The following STPG2 variants were observed in gnomAD, a reference collection of about 807,000 sequenced individuals.
STPG2 encodes sperm-tail PG-rich repeat-containing protein 2.
Under a neutral mutation model 54.2 loss-of-function variants are expected in STPG2, and 56 were observed. The observed-to-expected ratio is 1.03, with a 90% CI of 0.83 to 1.29. The LOEUF is 1.29. Among genes scored for constraint, STPG2 ranks in the 50% most tolerant of loss-of-function variants. The pLI is 0.00. For synonymous variants in STPG2, 200 were observed against 181.8 expected, an observed-to-expected ratio of 1.10 and a Z score of -0.81; for missense variants, 596 against 544.9, an observed-to-expected ratio of 1.09 and a Z score of -0.93.
chr4:98,124,340 C>T (rs1440528430), intron 3 of STPG2, among the ~76,000 whole-genome samples: 1 of 152,106 alleles, frequency 6.6e-6, no homozygotes, highest in African/African-American at 2.4e-5. Flanking sequence ...ATATGTAGTG[C>T]TTCCTTCAGG....
intron 5 of STPG2, among the ~76,000 whole-genome samples, chr4:98,022,444 C>T (rs1736247013): frequency 6.6e-6 from 1 of 152,088 alleles, no homozygotes; most frequent in South Asian, 2.1e-4. Flanking sequence ...TCTGGCTGCC[C>T]CTAACATTTT....
At chr4:97,482,304 C>CA (rs1219270015) in intron 4 of STPG2, among the ~76,000 whole-genome samples, 2 of 150,574 alleles carry the variant, frequency 1.3e-5, no homozygotes, top group Admixed American at 6.6e-5. Flanking sequence ...TAATTAATAG[C>CA]AAAAAATGAT....
intron 5 of STPG2, among the ~76,000 whole-genome samples, chr4:97,987,324 C>T (rs570011511): frequency 4.1e-4 from 63 of 152,210 alleles, no homozygotes; most frequent in Non-Finnish European, 7.2e-4. Flanking sequence ...TCTAGTTCTT[C>T]CATTTAAAAG....
chr4:97,871,394 GCTAAT>G (rs1224081730), intron 8 of STPG2, among the ~76,000 whole-genome samples: 1 of 150,374 alleles, frequency 6.7e-6, no homozygotes, highest in East Asian at 1.9e-4. Context: ...CACACCAGTA[GCTAAT>G]CTAATTTTTT....
At position 97,624,409 on chromosome 4, in the gene STPG2, G is replaced by A. The variant is rs182441466; in HGVS notation, c.1321-65292C>T. Among the ~76,000 whole-genome samples the A allele has an allele frequency of 1.8e-3, 273 of 152,106 alleles. 2 individuals carry two copies. Among genetic ancestry groups the A allele is most frequent in the Non-Finnish European group, 2.5e-3 (172 of 67,970 alleles). The stretch of plus-strand genomic sequence containing the variant: ...GATTTTTTTCATATGTGTGTTGGCC[G>A]CATAAATGTCTTCTTTTGAGAAGTA... On this transcript the variant is annotated intron_variant, in intron 10 of 10. Transcript: ENST00000295268.
chr4:98,013,312 G>A (rs895387653), intron 5 of STPG2, among the ~76,000 whole-genome samples: 3 of 152,004 alleles, frequency 2.0e-5, no homozygotes, highest in Non-Finnish European at 2.9e-5. Context: ...TACTTGTGGT[G>A]GATAAGCTTT....
At chr4:98,061,606 GA>G (rs201764593) in intron 5 of STPG2, among the ~76,000 whole-genome samples, 2 of 121,014 alleles carry the variant, frequency 1.7e-5, no homozygotes, top group African/African-American at 3.2e-5. Context: ...AAATTTACAA[GA>G]AAAAAAAAAT....
At chr4:97,625,993 T>C (rs1734128226) in intron 10 of STPG2, among the ~76,000 whole-genome samples, 2 of 152,212 alleles carry the variant, frequency 1.3e-5, no homozygotes, top group Non-Finnish European at 1.5e-5. Flanking sequence ...TAAAGTTGGA[T>C]GGCAAATTAT....
At chr4:98,128,785 A>G (rs1739903234) in intron 2 of STPG2, among the ~76,000 whole-genome samples, 193 bp from the exon 3 acceptor site, 1 of 152,120 alleles carries the variant, frequency 6.6e-6, no homozygotes, top group Non-Finnish European at 1.5e-5. Context: ...GCTGGAGTGC[A>G]GTGGTACAAT....
intron 8 of STPG2, among the ~76,000 whole-genome samples, chr4:97,941,246 T>G (rs1732970894): frequency 6.6e-6 from 1 of 152,102 alleles, no homozygotes; most frequent in Non-Finnish European, 1.5e-5. Flanking sequence ...CAAGGATATT[T>G]GCTTTAGTTA....
chr4:97,942,046 C>T (rs1467091110), intron 8 of STPG2, among the ~76,000 whole-genome samples: 2 of 151,686 alleles, frequency 1.3e-5, no homozygotes, highest in Non-Finnish European at 2.9e-5. Context: ...GGTGAAGCAA[C>T]TTGTCTTCCT....
At chr4:97,525,928 T>C (rs1731271512) in intron 4 of STPG2, among the ~76,000 whole-genome samples, 2 of 152,068 alleles carry the variant, frequency 1.3e-5, no homozygotes, top group Non-Finnish European at 2.9e-5. Context: ...ATTCACTGTT[T>C]AAAAATGTTC....
intron 9 of STPG2, among the ~76,000 whole-genome samples, chr4:97,763,423 G>T (rs945334894): frequency 4.6e-5 from 7 of 152,290 alleles, no homozygotes; most frequent in Admixed American, 3.9e-4. Flanking sequence ...GGATTTTAAA[G>T]TTTGTGAGCA....
chr4:98,080,064 T>G (rs1738296452), intron 5 of STPG2, among the ~76,000 whole-genome samples: 1 of 152,210 alleles, frequency 6.6e-6, no homozygotes, highest in Non-Finnish European at 1.5e-5. Flanking sequence ...AAAGAAAATC[T>G]AATGTTAAAA....
chr4:97,950,949 G>T (rs1386779360), intron 7 of STPG2, among the ~76,000 whole-genome samples: 1 of 152,108 alleles, frequency 6.6e-6, no homozygotes, highest in Non-Finnish European at 1.5e-5. Flanking sequence ...TCCCCAAATT[G>T]CTCCTGGGGA....
intron 3 of STPG2, among the ~76,000 whole-genome samples, chr4:98,126,699 G>C (rs1739842108): frequency 6.6e-6 from 1 of 152,138 alleles, no homozygotes; most frequent in African/African-American, 2.4e-5. Flanking sequence ...GCCATCTTCA[G>C]CTAGTGTTTA....
intron 3 of STPG2, among the ~76,000 whole-genome samples, chr4:98,111,044 T>C (rs556417884): frequency 6.6e-6 from 1 of 152,134 alleles, no homozygotes; most frequent in African/African-American, 2.4e-5. Context: ...AAGGACTTTC[T>C]GGAAGATATA....
chr4:97,627,994 C>A (rs187788725), intron 10 of STPG2, among the ~76,000 whole-genome samples: 20 of 152,082 alleles, frequency 1.3e-4, no homozygotes, highest in Admixed American at 4.6e-4. Flanking sequence ...GAATGAGACC[C>A]GCCCACATTG....
At chr4:97,904,565 G>A (rs1426542700) in intron 8 of STPG2, among the ~76,000 whole-genome samples, 2 of 152,210 alleles carry the variant, frequency 1.3e-5, no homozygotes, top group Non-Finnish European at 2.9e-5. Flanking sequence ...CTCCTCCAAA[G>A]GAACGCAGTT....
Sources: gnomAD v4.1 joint callset for allele counts (sites outside exome capture counted in the v4.1 genomes callset) on GRCh38, gnomAD v4.1.1 for gene constraint, MANE v1.5 for transcripts, NCBI Gene and HGNC (gene_info 2026-07-23, HGNC 2026-07-21) for gene names.